Variants in KIRREL3 observed in about 807,000 individuals in gnomAD.
KIRREL3 encodes kirre like nephrin family adhesion molecule 3, also known as kin of IRRE-like protein 3.
Under a neutral mutation model 89.7 loss-of-function variants are expected in KIRREL3, and 36 were observed. The observed-to-expected ratio is 0.40, with a 90% CI of 0.31 to 0.53. The LOEUF (loss-of-function observed/expected upper bound fraction) is 0.53, where lower values mean the gene tolerates loss of function less well. Ranked by LOEUF, KIRREL3 falls within the 20% of genes least tolerant of loss-of-function variation. The pLI, the probability that KIRREL3 is intolerant of heterozygous loss-of-function variation, is 0.49. For synonymous variants in KIRREL3, 445 were observed against 441.4 expected (o/e 1.01, Z -0.10); for missense variants, 864 against 1,056.6 (o/e 0.82, Z 2.53).
At position 126,797,440 on chromosome 11, in the gene KIRREL3, C is replaced by T. The variant is rs1592141767; in HGVS notation, c.55+203015G>A. On this transcript the variant is annotated intron_variant, in intron 1 of 16. Transcript: ENST00000525144. The surrounding 1 kb of genome is among the most constrained non-coding windows in gnomAD (Gnocchi z 4.9). ...AGAATCTGCTGGTCAGTGTCGGGGG[C>T]CCTTCAACTTCTGCTTGCAGAAGCC... is the stretch of plus-strand genomic sequence containing the variant. Among the ~76,000 whole-genome samples, 1 of 152,062 alleles carries T rather than the reference C, an allele frequency of 6.6e-6. No individual in the cohort carries two copies.
intron 1 of KIRREL3, among the ~76,000 whole-genome samples, chr11:126,584,535 C>T (rs1314565363): frequency 1.3e-5 from 2 of 152,182 alleles, no homozygotes; most frequent in Admixed American, 6.5e-5. Flanking sequence ...TGGGTATGAC[C>T]GAGCCTGGCT....
chr11:126,628,277 G>A lies in KIRREL3; in HGVS notation c.56-65365C>T, dbSNP rs373900141. On this transcript the variant is annotated intron_variant, in intron 1 of 16. Transcript: ENST00000525144. This position sits in a 1 kb window ranked among gnomAD's most constrained non-coding sequence, Gnocchi z 5.2. The stretch of plus-strand genomic sequence containing the variant: ...GACTCTTTCTCTCCAGCCTGGCCTC[G>A]CCTTCTCTGTGAGAAGGAAAATGAG... Among the ~76,000 whole-genome samples, 61 of 152,208 alleles carry A rather than the reference G, an allele frequency of 4.0e-4. No homozygotes were observed. The highest frequency in any genetic ancestry group is 1.1e-3 in the African/African-American group (44 of 41,534).
intron 2 of KIRREL3, among the ~76,000 whole-genome samples, chr11:126,539,030 G>C (rs1315558654): frequency 1.3e-5 from 2 of 152,182 alleles, no homozygotes; most frequent in Non-Finnish European, 2.9e-5. Context: ...ATGTGTTCAT[G>C]GAATAAAAGC....
rs1951385106 is a variant in KIRREL3, at chr11:126,811,468, G to T, written c.55+188987C>A. Among the ~76,000 whole-genome samples, 1 of 152,248 alleles carries T rather than the reference G, an allele frequency of 6.6e-6. No homozygotes were observed. ...TAGCACATAGAGTATTCTCATAGCT[G>T]TTGACAAACTGGACAGATACATGAG... is the stretch of plus-strand genomic sequence containing the variant. On this transcript the variant is annotated intron_variant, in intron 1 of 16. Transcript: ENST00000525144. The surrounding 1 kb of genome is among the most constrained non-coding windows in gnomAD (Gnocchi z 4.3).
In KIRREL3 at chr11:126,970,377, T is replaced by G. The variant is rs994534770; in HGVS notation, c.55+30078A>C. On this transcript the variant is annotated intron_variant, in intron 1 of 16. Transcript: ENST00000525144. The surrounding 1 kb of genome is among the most constrained non-coding windows in gnomAD (Gnocchi z 4.4). ...CACTGCTCTTTATTAAACACTACAT[T>G]AAACACAAATAGGTAGGCATAAGGT... is the stretch of plus-strand genomic sequence containing the variant. Among the ~76,000 whole-genome samples the G allele has an allele frequency of 5.9e-5, 9 of 152,300 alleles. No homozygotes were observed. The South Asian group carries it at 1.5e-3, about 25-fold the overall frequency.
rs1946190814 is a variant in KIRREL3, at chr11:126,676,421, C to T, written c.56-113509G>A. On this transcript the variant is annotated intron_variant, in intron 1 of 16. Coordinates refer to ENST00000525144, the MANE Select transcript of KIRREL3 (RefSeq NM_032531.4). This position sits in a 1 kb window ranked among gnomAD's most constrained non-coding sequence, Gnocchi z 4.5. ...TCCTACCCTGGGGCCTCTCTAGTCC[C>T]CCAGGGCCACTGGGCTGGCTCTGCA... Among the ~76,000 whole-genome samples, 1 of 152,128 alleles carries T rather than the reference C, an allele frequency of 6.6e-6. No individual in the cohort carries two copies. Among genetic ancestry groups the T allele is most frequent in the Non-Finnish European group, 1.5e-5 (1 of 68,012 alleles).
At chr11:126,584,955 G>C (rs1199978143) in intron 1 of KIRREL3, among the ~76,000 whole-genome samples, 2 of 150,006 alleles carry the variant, frequency 1.3e-5, no homozygotes, top group Non-Finnish European at 3.0e-5. Flanking sequence ...GTCTCACTCT[G>C]TCGCCCAGGC....
chr11:126,895,182 G>C (rs181688469), intron 1 of KIRREL3, among the ~76,000 whole-genome samples: 1 of 152,100 alleles, frequency 6.6e-6, no homozygotes, highest in Non-Finnish European at 1.5e-5. Context: ...CAAGAAGAAG[G>C]CCGGGTGCAG....
rs1951595894 is a variant in KIRREL3 at position 126,817,017 on chromosome 11, C to A, written c.55+183438G>T. 6.6e-6 allele frequency among the ~76,000 whole-genome samples: 1 copy of A among 152,066 alleles called. No homozygotes were observed. The highest frequency in any genetic ancestry group is 2.1e-4 in the South Asian group (1 of 4,814). On this transcript the variant is annotated intron_variant, in intron 1 of 16. Transcript: ENST00000525144. This position sits in a 1 kb window ranked among gnomAD's most constrained non-coding sequence, Gnocchi z 5.7. The stretch of plus-strand genomic sequence containing the variant: ...ACACGTTACTTTAGGGAAGGAAGAA[C>A]CTGTTGCATTAAAAATAGAGCTAAG...
In KIRREL3 at chr11:126,624,743, A is replaced by G. The variant is rs920427367; in HGVS notation, c.56-61831T>C. Among the ~76,000 whole-genome samples the G allele has an allele frequency of 2.0e-5, 3 of 152,226 alleles. No individual in the cohort carries two copies. Among genetic ancestry groups the G allele is most frequent in the Non-Finnish European group, 4.4e-5 (3 of 68,044 alleles). ...AGGGCTGAGTAATTCCCGAGCATCA[A>G]TAACGTGTGTCATGATGTAATGCAG... On this transcript the variant is annotated intron_variant, in intron 1 of 16. Transcript: ENST00000525144. This position sits in a 1 kb window ranked among gnomAD's most constrained non-coding sequence, Gnocchi z 6.0.
chr11:126,665,259 G>C (rs950068387), intron 1 of KIRREL3, among the ~76,000 whole-genome samples: 1 of 152,192 alleles, frequency 6.6e-6, no homozygotes, highest in Non-Finnish European at 1.5e-5. Context: ...GACACATTCT[G>C]TTTGTGCCAC....
intron 1 of KIRREL3, among the ~76,000 whole-genome samples, chr11:126,838,575 CA>C (rs1196615554): frequency 6.6e-6 from 1 of 152,176 alleles, no homozygotes; most frequent in East Asian, 1.9e-4. Flanking sequence ...TCCCTCTGAT[CA>C]AGTGTGATTC....
Position 126,655,835 on chromosome 11 carries a change from G to A in KIRREL3, c.56-92923C>T, listed in dbSNP as rs1436054250. On this transcript the variant is annotated intron_variant, in intron 1 of 16. Transcript: ENST00000525144. This position sits in a 1 kb window ranked among gnomAD's most constrained non-coding sequence, Gnocchi z 5.0. ...AAATGGGAGAAGCAATAGCAAGACAGCAGGGCAGCAACAGTCAGTTCTTGT... is the reference window on the plus strand; with the variant it reads ...AAATGGGAGAAGCAATAGCAAGACAACAGGGCAGCAACAGTCAGTTCTTGT... Among the ~76,000 whole-genome samples, 2 of 152,242 alleles carry A rather than the reference G, an allele frequency of 1.3e-5. No homozygotes were observed. Among genetic ancestry groups the A allele is most frequent in the Admixed American group, 6.5e-5 (1 of 15,288 alleles).
At position 126,495,772 on chromosome 11, in the gene KIRREL3, G is replaced by C. The variant is rs1262398648; in HGVS notation, c.434-22306C>G. Among the ~76,000 whole-genome samples, 1 of 152,156 alleles carries C rather than the reference G, an allele frequency of 6.6e-6. No individual in the cohort carries two copies. Among genetic ancestry groups the C allele is most frequent in the African/African-American group, 2.4e-5 (1 of 41,428 alleles). The stretch of plus-strand genomic sequence containing the variant: ...CCTTCTCACCGCTCTCCTTGTAAAA[G>C]GCAGTGCTGTGCAGCAGCCTGAGGA... On this transcript the variant is annotated intron_variant, in intron 4 of 16. Transcript: ENST00000525144. This position sits in a 1 kb window ranked among gnomAD's most constrained non-coding sequence, Gnocchi z 6.5.
rs1456267382 is a variant in KIRREL3, at chr11:126,748,273, C to T, written c.56-185361G>A. On this transcript the variant is annotated intron_variant, in intron 1 of 16. Transcript: ENST00000525144. This position sits in a 1 kb window ranked among gnomAD's most constrained non-coding sequence, Gnocchi z 4.6. ...AGCCACTTCCTTTTACTCCCTTGCC[C>T]AGGCTTCAGCGGCAGAAGACAGTGT... 3.3e-5 allele frequency among the ~76,000 whole-genome samples: 5 copies of T among 152,158 alleles called. No homozygotes were observed. Among genetic ancestry groups the T allele is most frequent in the African/African-American group, 1.2e-4 (5 of 41,436 alleles).
intron 1 of KIRREL3, among the ~76,000 whole-genome samples, chr11:126,646,770 C>T (rs1024004897): frequency 2.0e-5 from 3 of 152,086 alleles, no homozygotes; most frequent in South Asian, 2.1e-4. Context: ...CCACTGCGCC[C>T]GGCCACCCCA....
chr11:126,600,846 A>G (rs1942621377), intron 1 of KIRREL3, among the ~76,000 whole-genome samples: 1 of 152,150 alleles, frequency 6.6e-6, no homozygotes, highest in African/African-American at 2.4e-5. Flanking sequence ...CTCCTCTGGG[A>G]AAAAAGACCC....
intron 1 of KIRREL3, among the ~76,000 whole-genome samples, chr11:126,930,715 A>C (rs529620401): frequency 1.3e-5 from 2 of 152,054 alleles, no homozygotes; most frequent in East Asian, 1.9e-4. Context: ...ACTGCATTCT[A>C]TCTGCTCCCC....
At chr11:126,510,376 T>A (rs1341621683) in intron 4 of KIRREL3, among the ~76,000 whole-genome samples, 1 of 152,014 alleles carries the variant, frequency 6.6e-6, no homozygotes, top group African/African-American at 2.4e-5. Context: ...AACTGAACTC[T>A]GTTAGTTTTA....
Sources: allele counts gnomAD v4.1 joint callset (sites outside exome capture counted in the v4.1 genomes callset), GRCh38; gene constraint gnomAD v4.1.1; non-coding constraint Gnocchi (gnomAD v3.1); transcripts MANE v1.5; gene names NCBI Gene and HGNC (gene_info 2026-07-23, HGNC 2026-07-21).